CFAP221: variants seen among roughly 807,000 people sequenced by gnomAD.
The protein encoded by CFAP221 is cilia- and flagella-associated protein 221.
CFAP221 carries 97 observed loss-of-function variants against 113.1 expected under a neutral mutation model. That is an observed-to-expected ratio of 0.86 (90% CI 0.73 to 1.02). The LOEUF (loss-of-function observed/expected upper bound fraction) is 1.02, where lower values mean the gene tolerates loss of function less well. CFAP221 is among the 50% of genes least tolerant of loss of function. CFAP221 has a pLI of 0.00. For synonymous variants in CFAP221, 331 were observed against 354.4 expected, an observed-to-expected ratio of 0.93 and a Z score of 0.74; for missense variants, 1,025 against 1,013.4, an observed-to-expected ratio of 1.01 and a Z score of -0.16.
chr2:119,578,675 A>G (rs1574046784), intron 6 of CFAP221, among the ~76,000 whole-genome samples: 2 of 152,208 alleles, frequency 1.3e-5, no homozygotes, highest in East Asian at 1.9e-4. Context: ...TCATACAAGT[A>G]TAATAACTAA....
intron 22 of CFAP221, 118 bp from the exon 23 acceptor site, chr2:119,651,856 G>A: frequency 1.4e-6 from 1 of 701,744 alleles, no homozygotes; most frequent in Non-Finnish European, 2.2e-6. Flanking sequence ...AAAAGTAGAT[G>A]GAACTAAAGT....
intron 19 of CFAP221, among the ~76,000 whole-genome samples, chr2:119,631,805 A>C (rs571525723): frequency 6.6e-6 from 1 of 152,346 alleles, no homozygotes; most frequent in Admixed American, 6.5e-5. Context: ...ACAAATTACC[A>C]ATGTCAGGAA....
At chr2:119,641,574 C>A (rs1052965279) in intron 21 of CFAP221, among the ~76,000 whole-genome samples, 3 of 152,192 alleles carry the variant, frequency 2.0e-5, no homozygotes, top group Non-Finnish European at 4.4e-5. Flanking sequence ...GAGCAATAAT[C>A]TCCTCCTCTC....
At chr2:119,591,628 G>A (rs1158640334) in intron 7 of CFAP221, among the ~76,000 whole-genome samples, 1 of 152,228 alleles carries the variant, frequency 6.6e-6, no homozygotes, top group Non-Finnish European at 1.5e-5. Flanking sequence ...GTTGACCACA[G>A]CAGCAGTCAG....
At chr2:119,606,142 C>G (rs566422849) in intron 11 of CFAP221, among the ~76,000 whole-genome samples, 1 of 152,030 alleles carries the variant, frequency 6.6e-6, no homozygotes, top group East Asian at 1.9e-4. Context: ...TAGCTGGGAG[C>G]ACAGGTGCGT....
At chr2:119,649,773 GT>G (rs1688015544) in intron 22 of CFAP221, among the ~76,000 whole-genome samples, 1 of 152,148 alleles carries the variant, frequency 6.6e-6, no homozygotes. Context: ...CAGCCCTGTT[GT>G]TTATCTTAGG....
intron 22 of CFAP221, among the ~76,000 whole-genome samples, chr2:119,649,090 A>G (rs7562770): frequency 0.98 from 149,533 of 152,330 alleles, 73,459 homozygotes; most frequent in Non-Finnish European, 1. Flanking sequence ...TTTGAGATGC[A>G]GCTCATGAAT....
Position 119,611,652 on chromosome 2 carries a change from G to A in CFAP221, c.1222-1G>A. On this transcript the variant is annotated splice_acceptor_variant, in intron 12 of 23. Coordinates refer to ENST00000413369, the MANE Select transcript of CFAP221 (RefSeq NM_001271049.2). LOFTEE classifies it high-confidence loss of function. ...AATTATTTTGATGATTAAAAACCCAGCTAGACAGAGGAGATCCTATTTTGG... is the reference window on the plus strand; with the variant it reads ...AATTATTTTGATGATTAAAAACCCAACTAGACAGAGGAGATCCTATTTTGG... The A allele has an allele frequency of 4.3e-6, 7 of 1,609,844 alleles. No individual in the cohort carries two copies. Among genetic ancestry groups the A allele is most frequent in the Non-Finnish European group, 5.9e-6 (7 of 1,178,686 alleles).
chr2:119,580,356 C>T (rs933005255), intron 6 of CFAP221: 1 of 152,162 alleles, frequency 6.6e-6, no homozygotes, highest in African/African-American at 2.4e-5. Context: ...ACCTAGGGCC[C>T]CTGAACATGA....
chr2:119,575,460 C>G (rs1004736604), intron 6 of CFAP221, among the ~76,000 whole-genome samples: 11 of 152,134 alleles, frequency 7.2e-5, no homozygotes, highest in Admixed American at 6.5e-4. Context: ...TTAATACTTT[C>G]ATCTTAAGTG....
chr2:119,656,581 T>A lies in CFAP221; in HGVS notation c.*111T>A. On this transcript the variant is annotated 3_prime_UTR_variant, in exon 24 of 24. Coordinates refer to ENST00000413369, the MANE Select transcript of CFAP221 (RefSeq NM_001271049.2). ...CAATTAAAGTTTCTGGATAAAAAAA[T>A]GAAATGTAGAGGATGTATATATCTT... is the stretch of plus-strand genomic sequence containing the variant. The A allele has an allele frequency of 2.9e-6, 2 of 689,254 alleles. No individual in the cohort carries two copies. Among genetic ancestry groups the A allele is most frequent in the South Asian group, 1.8e-5 (1 of 56,830 alleles). 42.7% of individuals were successfully genotyped at this position (689,254 alleles called of 1,614,324 possible). A position where few individuals can be genotyped will look rare whatever the true frequency, so the allele number is the denominator to read the frequency against.
At chr2:119,582,384 C>T (rs1484484315) in intron 6 of CFAP221, among the ~76,000 whole-genome samples, 1 of 151,770 alleles carries the variant, frequency 6.6e-6, no homozygotes, top group Non-Finnish European at 1.5e-5. Context: ...GGGCTGACCA[C>T]ACTGTATTTG....
intron 22 of CFAP221, 48 bp downstream of exon 22, chr2:119,647,098 CA>C (rs755536489): frequency 2.0e-6 from 3 of 1,468,660 alleles, no homozygotes; most frequent in East Asian, 4.6e-5. Flanking sequence ...GTCTGTTTTC[CA>C]AAAATATGTG....
At chr2:119,559,855 T>C in intron 4 of CFAP221, 73 bp from the exon 5 acceptor site, 1 of 1,470,330 alleles carries the variant, frequency 6.8e-7, no homozygotes, top group Non-Finnish European at 9.2e-7. Context: ...GGGTGTGTGG[T>C]GTGTTGTCAC....
intron 19 of CFAP221, among the ~76,000 whole-genome samples, chr2:119,636,656 A>C (rs1437235353): frequency 6.6e-6 from 1 of 152,250 alleles, no homozygotes; most frequent in Non-Finnish European, 1.5e-5. Context: ...AAAAGCCAGA[A>C]ACAAGGGAAA....
rs968685095 is a variant in CFAP221 at position 119,559,933 on chromosome 2, C to A, written c.333C>A (p.His111Gln). Residue 111 changes from histidine to glutamine, a missense_variant, in exon 5 of 24, where the codon CAC (histidine) becomes CAA (glutamine). Coordinates refer to ENST00000413369, the MANE Select transcript of CFAP221 (RefSeq NM_001271049.2). ...AGATGCCACCTGTCTTCCAGGAACA[C>A]CACCTGGTCCCTGGCTTGTCCCTCA... Reference protein sequence around the residue: ...YFEINYVRKEHHLVPGLSLTV... With the variant: ...YFEINYVRKEQHLVPGLSLTV... 1 of 1,535,366 alleles carries A rather than the reference C, an allele frequency of 6.5e-7. No individual in the cohort carries two copies. The highest frequency in any genetic ancestry group is 1.4e-5 in the African/African-American group (1 of 73,000).
At chr2:119,611,942 C>T (rs556811013) in intron 13 of CFAP221, among the ~76,000 whole-genome samples, 200 bp downstream of exon 13, 2 of 152,324 alleles carry the variant, frequency 1.3e-5, no homozygotes, top group East Asian at 1.9e-4. Context: ...TTGAAATGAA[C>T]AGCACTACAT....
At chr2:119,576,930 A>G (rs1465023220) in intron 6 of CFAP221, among the ~76,000 whole-genome samples, 1 of 152,208 alleles carries the variant, frequency 6.6e-6, no homozygotes, top group African/African-American at 2.4e-5. Flanking sequence ...CTAAAGCTTA[A>G]ATGAAAATAA....
intron 23 of CFAP221, chr2:119,656,154 A>G (rs536455914): frequency 7.7e-6 from 4 of 517,630 alleles, no homozygotes; most frequent in Admixed American, 3.2e-5. Flanking sequence ...TCAGAAACTG[A>G]TGCAGCTGAG....
Sources: allele counts gnomAD v4.1 joint callset (sites outside exome capture counted in the v4.1 genomes callset), GRCh38; gene constraint gnomAD v4.1.1; transcripts MANE v1.5; gene names NCBI Gene and HGNC (gene_info 2026-07-23, HGNC 2026-07-21).